Variants in CAMK1D observed in about 807,000 individuals in gnomAD.
CAMK1D encodes calcium/calmodulin dependent protein kinase ID, also known as calcium/calmodulin-dependent protein kinase type 1D.
A neutral mutation model predicts 47.7 loss-of-function variants in CAMK1D; 9 were observed. The observed-to-expected ratio is 0.19, with a 90% CI of 0.11 to 0.33. CAMK1D has a LOEUF of 0.33. CAMK1D is among the 10% of genes least tolerant of loss of function. CAMK1D has a pLI of 1.00. For missense variants in CAMK1D, 291 were observed against 488.7 expected (o/e 0.60, Z 3.81); for synonymous variants, 184 against 184.9 (o/e 0.99, Z 0.04).
intron 1 of CAMK1D, among the ~76,000 whole-genome samples, chr10:12,414,062 C>G (rs2954989): frequency 0.013 from 1,971 of 152,288 alleles, 50 homozygotes; most frequent in African/African-American, 0.045. Context: ...TTTAGCAACT[C>G]TCATCCAGTT....
chr10:12,741,352 A>G (rs1266964275), intron 3 of CAMK1D, among the ~76,000 whole-genome samples: 1 of 152,220 alleles, frequency 6.6e-6, no homozygotes, highest in Non-Finnish European at 1.5e-5. Context: ...CTCTGCACAG[A>G]TGGGTAAATG....
At chr10:12,716,054 C>T (rs1322101848) in intron 3 of CAMK1D, among the ~76,000 whole-genome samples, 1 of 152,002 alleles carries the variant, frequency 6.6e-6, no homozygotes, top group Non-Finnish European at 1.5e-5. Context: ...TTATTGAGTG[C>T]TTGCTGTGCG....
chr10:12,581,295 G>A (rs1159242268), intron 2 of CAMK1D, among the ~76,000 whole-genome samples: 1 of 152,126 alleles, frequency 6.6e-6, no homozygotes, highest in Non-Finnish European at 1.5e-5. Context: ...TGATTGATGG[G>A]CATTTGAGCT....
chr10:12,770,511 A>G (rs746469460), intron 5 of CAMK1D, among the ~76,000 whole-genome samples: 24 of 152,366 alleles, frequency 1.6e-4, no homozygotes, highest in Admixed American at 6.5e-4. Context: ...ATGTATGTAA[A>G]GTTGCTACTA....
chr10:12,436,468 T>C lies in CAMK1D; in HGVS notation c.92+86558T>C, dbSNP rs976686817. 7.2e-5 allele frequency among the ~76,000 whole-genome samples: 11 copies of C among 152,334 alleles called. No homozygotes were observed. The South Asian group carries it at 2.3e-3, about 32-fold the overall frequency. On this transcript the variant is annotated intron_variant, in intron 1 of 10. Transcript: ENST00000619168. ...GTCGGAGGCATTATTCTGGATTTTATTGAGGCTTGCTGACTTTGTTTTTTG... is the reference window on the plus strand; with the variant it reads ...GTCGGAGGCATTATTCTGGATTTTACTGAGGCTTGCTGACTTTGTTTTTTG...
chr10:12,439,210 A>C (rs1284107980), intron 1 of CAMK1D, among the ~76,000 whole-genome samples: 1 of 152,108 alleles, frequency 6.6e-6, no homozygotes, highest in Non-Finnish European at 1.5e-5. Flanking sequence ...CATAACTCAT[A>C]TTCGAAGTCA....
chr10:12,715,778 T>G (rs1161532228), intron 3 of CAMK1D, among the ~76,000 whole-genome samples: 2 of 149,190 alleles, frequency 1.3e-5, no homozygotes, highest in East Asian at 2.0e-4. Context: ...TGGAGTGCAG[T>G]GGTGCAATCT....
chr10:12,707,253 C>T (rs561311246), intron 3 of CAMK1D, among the ~76,000 whole-genome samples: 7 of 152,086 alleles, frequency 4.6e-5, no homozygotes, highest in Non-Finnish European at 1.0e-4. Flanking sequence ...TAGTGGAGGC[C>T]TGACTAATTA....
intron 3 of CAMK1D, among the ~76,000 whole-genome samples, chr10:12,727,292 A>C (rs1296857115): frequency 2.0e-5 from 3 of 152,256 alleles, no homozygotes; most frequent in Non-Finnish European, 4.4e-5. Flanking sequence ...GAGACATCAA[A>C]GCAGAATGGA....
chr10:12,827,311 C>CTTCTTTCTTTCT, intron 10 of CAMK1D, among the ~76,000 whole-genome samples: 1 of 123,634 alleles, frequency 8.1e-6, no homozygotes, highest in Non-Finnish European at 1.6e-5. Context: ...CTCTCTTTTT[C>CTTCTTTCTTTCT]TTTTCTTTCT....
intron 1 of CAMK1D, among the ~76,000 whole-genome samples, chr10:12,373,354 A>G (rs957423696): frequency 1.3e-5 from 2 of 151,234 alleles, no homozygotes; most frequent in Non-Finnish European, 2.9e-5. Flanking sequence ...AAAACAGTCC[A>G]GGTGCTGTGG....
intron 1 of CAMK1D, among the ~76,000 whole-genome samples, chr10:12,381,186 C>T (rs1055623579): frequency 5.3e-5 from 8 of 152,298 alleles, no homozygotes; most frequent in African/African-American, 7.2e-5. Flanking sequence ...GCAGTGACAG[C>T]GGGCCCCGCC....
intron 1 of CAMK1D, among the ~76,000 whole-genome samples, chr10:12,551,281 G>A (rs983741456): frequency 1.1e-4 from 17 of 152,156 alleles, no homozygotes; most frequent in African/African-American, 3.6e-4. Flanking sequence ...AACTGTGCAC[G>A]CGAGGGATCT....
intron 3 of CAMK1D, chr10:12,725,201 C>A (rs1339897267): frequency 1.9e-5 from 3 of 154,030 alleles, no homozygotes; most frequent in Non-Finnish European, 2.9e-5. Context: ...AAAATAACAG[C>A]AGGGGCTCTT....
At chr10:12,480,717 G>A (rs1000606336) in intron 1 of CAMK1D, among the ~76,000 whole-genome samples, 10 of 152,194 alleles carry the variant, frequency 6.6e-5, no homozygotes, top group Non-Finnish European at 1.2e-4. Context: ...GCAGAACTAG[G>A]ATCCCCACTT....
intron 3 of CAMK1D, among the ~76,000 whole-genome samples, chr10:12,708,741 G>A (rs538186252): frequency 1.3e-5 from 2 of 152,280 alleles, no homozygotes; most frequent in South Asian, 4.1e-4. Flanking sequence ...TTTTGAGGTT[G>A]TTAGGGACTC....
At chr10:12,699,390 CG>C (rs1564502818) in intron 3 of CAMK1D, among the ~76,000 whole-genome samples, 1 of 152,004 alleles carries the variant, frequency 6.6e-6, no homozygotes, top group Non-Finnish European at 1.5e-5. Flanking sequence ...CTGGGAAAGC[CG>C]TGTTTTGTTT....
intron 1 of CAMK1D, among the ~76,000 whole-genome samples, chr10:12,529,432 C>T (rs1476565173): frequency 1.3e-5 from 2 of 152,182 alleles, no homozygotes; most frequent in Non-Finnish European, 2.9e-5. Flanking sequence ...CACATTGGTA[C>T]ACTTTTCTGG....
intron 4 of CAMK1D, among the ~76,000 whole-genome samples, chr10:12,763,240 G>A (rs1429096470): frequency 6.6e-6 from 1 of 152,108 alleles, no homozygotes; most frequent in Admixed American, 6.5e-5. Context: ...GTTGAAATTG[G>A]ACTACTAAAT....
Sources: allele counts gnomAD v4.1 joint callset (sites outside exome capture counted in the v4.1 genomes callset), GRCh38; gene constraint gnomAD v4.1.1; transcripts MANE v1.5; gene names NCBI Gene and HGNC (gene_info 2026-07-23, HGNC 2026-07-21).